CCDC178: variants seen among roughly 807,000 people sequenced by gnomAD.
The protein encoded by CCDC178 is coiled-coil domain-containing protein 178.
In CCDC178, 126 loss-of-function variants were observed where a neutral mutation model predicts 117.4. That is an observed-to-expected ratio of 1.07 (90% CI 0.93 to 1.24). The LOEUF (loss-of-function observed/expected upper bound fraction) is 1.24. CCDC178 is among the 50% of genes most tolerant of loss of function. The pLI is 0.00. For synonymous variants in CCDC178, 283 were observed against 313.4 expected (o/e 0.90, Z 1.02); for missense variants, 1,030 against 986.9 (o/e 1.04, Z -0.59).
chr18:33,291,098 A>G (rs1214162651), intron 12 of CCDC178, among the ~76,000 whole-genome samples: 2 of 152,162 alleles, frequency 1.3e-5, no homozygotes, highest in Admixed American at 6.5e-5. Flanking sequence ...ATCTAAAACT[A>G]TCACATAAAT....
At chr18:33,409,617 C>T (rs796487561) in intron 3 of CCDC178, among the ~76,000 whole-genome samples, 21 of 152,208 alleles carry the variant, frequency 1.4e-4, no homozygotes, top group Admixed American at 3.9e-4. Flanking sequence ...TCTTCAAAGA[C>T]ATAGCAATAA....
intron 20 of CCDC178, among the ~76,000 whole-genome samples, chr18:33,131,693 G>C (rs1446067442): frequency 2.6e-5 from 4 of 151,578 alleles, no homozygotes; most frequent in Non-Finnish European, 5.9e-5. Flanking sequence ...TATTAACTTG[G>C]AAGACTTTTA....
chr18:33,193,036 G>A (rs1446110014), intron 20 of CCDC178, among the ~76,000 whole-genome samples: 1 of 151,426 alleles, frequency 6.6e-6, no homozygotes, highest in Non-Finnish European at 1.5e-5. Context: ...GAGGCAGGCG[G>A]ATCACGAGGT....
At chr18:33,330,854 AAT>A (rs2062657866) in intron 10 of CCDC178, among the ~76,000 whole-genome samples, 1 of 152,048 alleles carries the variant, frequency 6.6e-6, no homozygotes, top group Non-Finnish European at 1.5e-5. Flanking sequence ...TATGGAGAAT[AAT>A]ATGTTTTACT....
intron 20 of CCDC178, among the ~76,000 whole-genome samples, chr18:33,126,384 C>T (rs887758295): frequency 3.3e-4 from 48 of 147,566 alleles, no homozygotes; most frequent in African/African-American, 8.4e-4. Context: ...TGTGTTAATG[C>T]TACACATTAC....
intron 22 of CCDC178, among the ~76,000 whole-genome samples, chr18:32,970,083 C>T (rs183063737): frequency 2.2e-4 from 34 of 152,002 alleles, no homozygotes; most frequent in Non-Finnish European, 2.4e-4. Context: ...AGCTCACTTT[C>T]GCTCATATTA....
chr18:33,009,081 A>C (rs935156747), intron 21 of CCDC178, among the ~76,000 whole-genome samples: 1 of 151,972 alleles, frequency 6.6e-6, no homozygotes, highest in Non-Finnish European at 1.5e-5. Context: ...TACTCCCTTC[A>C]TCTGGTCATC....
chr18:32,965,972 A>C (rs2054805308), intron 22 of CCDC178, among the ~76,000 whole-genome samples: 1 of 149,334 alleles, frequency 6.7e-6, no homozygotes, highest in Non-Finnish European at 1.5e-5. Flanking sequence ...TAATAGAATC[A>C]ATTTTTAATT....
At chr18:33,334,458 G>GA (rs1166339220) in intron 9 of CCDC178, among the ~76,000 whole-genome samples, 4 of 151,938 alleles carry the variant, frequency 2.6e-5, no homozygotes, top group East Asian at 3.9e-4. Flanking sequence ...GACAATTTTA[G>GA]AAAAAAACCA....
chr18:33,054,069 T>G (rs2056788145), intron 21 of CCDC178, among the ~76,000 whole-genome samples: 1 of 152,170 alleles, frequency 6.6e-6, no homozygotes, highest in South Asian at 2.1e-4. Flanking sequence ...GCCCTTTTTG[T>G]GTAGTTAATT....
At position 33,210,654 on chromosome 18, in the gene CCDC178, T is replaced by G. The variant is rs115531218; in HGVS notation, c.2238+1242A>C. Among the ~76,000 whole-genome samples, 551 of 152,152 alleles carry G rather than the reference T, an allele frequency of 3.6e-3. 2 individuals carry two copies. The highest frequency in any genetic ancestry group is 0.012 in the African/African-American group (515 of 41,540). On this transcript the variant is annotated intron_variant, in intron 20 of 22. Transcript: ENST00000383096. The stretch of plus-strand genomic sequence containing the variant: ...AAGAATGCTTAAATCGGTAAATAAC[T>G]TAAGCCTTCTTGCTTTGAGAGGTGC...
chr18:33,115,013 A>G (rs1199284133), intron 20 of CCDC178, among the ~76,000 whole-genome samples: 1 of 152,000 alleles, frequency 6.6e-6, no homozygotes, highest in African/African-American at 2.4e-5. Context: ...ATAGAGGTAA[A>G]TTCTTCTCTT....
At chr18:33,194,921 AGAGAGAGAGAGG>A (rs1363083935) in intron 20 of CCDC178, among the ~76,000 whole-genome samples, 15 of 138,870 alleles carry the variant, frequency 1.1e-4, no homozygotes, top group African/African-American at 3.9e-4. Flanking sequence ...AAAAAAAAAG[AGAGAGAGAGAGG>A]GAGAGAGAGA....
chr18:33,272,629 T>C (rs1321054507), intron 12 of CCDC178, among the ~76,000 whole-genome samples: 1 of 151,612 alleles, frequency 6.6e-6, no homozygotes, highest in Non-Finnish European at 1.5e-5. Context: ...CTCTTGTGAA[T>C]TTAGACACAA....
intron 11 of CCDC178, among the ~76,000 whole-genome samples, chr18:33,297,771 G>C (rs906068967): frequency 3.9e-5 from 6 of 152,134 alleles, no homozygotes; most frequent in African/African-American, 1.4e-4. Context: ...GCCAGGCACA[G>C]TGGCTCACGC....
intron 7 of CCDC178, 103 bp downstream of exon 7, chr18:33,356,221 A>C (rs1435356434): frequency 8.4e-7 from 1 of 1,190,986 alleles, no homozygotes; most frequent in Non-Finnish European, 1.1e-6. Flanking sequence ...AAAATCTTGC[A>C]TTCGATTTTC....
intron 15 of CCDC178, among the ~76,000 whole-genome samples, chr18:33,229,317 G>A (rs2059344759): frequency 6.6e-6 from 1 of 152,162 alleles, no homozygotes; most frequent in Admixed American, 6.5e-5. Context: ...CCAGGAACAG[G>A]AATGACCTTA....
At chr18:33,091,321 A>ATTTTTTTTTTTTT (rs1415932731) in intron 21 of CCDC178, among the ~76,000 whole-genome samples, 1 of 18,354 alleles carries the variant, frequency 5.4e-5, no homozygotes, top group Non-Finnish European at 1.8e-4. Flanking sequence ...CACTTATTTC[A>ATTTTTTTTTTTTT]TTCTTTTTTT....
intron 9 of CCDC178, among the ~76,000 whole-genome samples, chr18:33,334,433 C>T (rs2062712477): frequency 6.6e-6 from 1 of 151,760 alleles, no homozygotes; most frequent in African/African-American, 2.4e-5. Flanking sequence ...AATTAAATCC[C>T]AATGAACAGA....
Sources: gnomAD v4.1 joint callset for allele counts (sites outside exome capture counted in the v4.1 genomes callset) on GRCh38, gnomAD v4.1.1 for gene constraint, MANE v1.5 for transcripts, NCBI Gene and HGNC (gene_info 2026-07-23, HGNC 2026-07-21) for gene names.